The following C3orf18 variants were observed in gnomAD, a reference collection of about 807,000 sequenced individuals.
C3orf18 encodes uncharacterized protein C3orf18.
In C3orf18, 12 loss-of-function variants were observed where a neutral mutation model predicts 14.1. That is an observed-to-expected ratio of 0.85 (90% CI 0.55 to 1.38). The LOEUF is 1.38. Among genes scored for constraint, C3orf18 ranks in the 40% most tolerant of loss-of-function variants. The probability of loss-of-function intolerance (pLI) is 0.00; values close to 1 mark genes in which losing one functional copy is unlikely to be tolerated. For missense variants in C3orf18, 196 were observed against 213.9 expected (o/e 0.92, Z 0.52); for synonymous variants, 82 against 87.9 (o/e 0.93, Z 0.38).
chr3:50,569,878 A>G (rs1213757575), upstream of C3orf18: 2 of 151,308 alleles, frequency 1.3e-5, no homozygotes, highest in African/African-American at 2.4e-5. Context: ...TCTGGCACCC[A>G]GGCTGGAGTG....
At chr3:50,563,048 A>G (rs1700086293) in intron 3 of C3orf18, among the ~76,000 whole-genome samples, 2 of 152,106 alleles carry the variant, frequency 1.3e-5, no homozygotes, top group Admixed American at 1.3e-4. Context: ...GCCTCGGGGA[A>G]AGCACAGCCC....
chr3:50,560,961 C>T lies in C3orf18; in HGVS notation c.364G>A (p.Ala122Thr), dbSNP rs142961797. Residue 122 changes from alanine (A) to threonine (T), a missense_variant, in exon 5 of 6, where the codon GCC (alanine) becomes ACC (threonine). Coordinates refer to ENST00000357203, the MANE Select transcript of C3orf18 (RefSeq NM_016210.5). Reference protein sequence around the residue: ...QELLEHGRDAASVQAATSVQA... With the variant: ...QELLEHGRDATSVQAATSVQA... The stretch of plus-strand genomic sequence containing the variant: ...ACAGAAGTAGCAGCCTGTACAGAGG[C>T]GGCGTCCCGCCCATGCTCCAGCAGC... The T allele has an allele frequency of 2.5e-4, 409 of 1,613,934 alleles. 1 individual carries two copies. In the Middle Eastern group the frequency reaches 4.1e-3, roughly 16 times the overall value.
At chr3:50,561,597 C>T in intron 4 of C3orf18, 125 bp downstream of exon 4, 1 of 929,902 alleles carries the variant, frequency 1.1e-6, no homozygotes, top group Non-Finnish European at 1.7e-6. Flanking sequence ...TCACCCCCAA[C>T]CATGAATGGG....
In C3orf18 at chr3:50,559,171, C is replaced by T. The variant is rs948995478; in HGVS notation, c.*486G>A. Reference sequence around the variant, plus strand: ...TCTCTGGGCTTCTCAGGGCCCATAACAGATGCTGCCCTACCCTGTCCCTAT... The same window carrying T: ...TCTCTGGGCTTCTCAGGGCCCATAATAGATGCTGCCCTACCCTGTCCCTAT... On this transcript the variant is annotated 3_prime_UTR_variant, in exon 6 of 6. Transcript: ENST00000357203. 7 of 1,289,902 alleles carry T rather than the reference C, an allele frequency of 5.4e-6. No homozygotes were observed. The Admixed American group carries it at 9.2e-5, about 17-fold the overall frequency. The allele number at this position is 1,289,902 out of a possible 1,614,324, so 79.9% of individuals were successfully genotyped here. A position where few individuals can be genotyped will look rare whatever the true frequency, so the allele number is the denominator to read the frequency against.
chr3:50,565,749 C>T lies in C3orf18; in HGVS notation c.-50G>A, dbSNP rs182437572. On this transcript the variant is annotated 5_prime_UTR_variant, in exon 3 of 6. Coordinates refer to ENST00000357203, the MANE Select transcript of C3orf18 (RefSeq NM_016210.5). This position sits in a 1 kb window ranked among gnomAD's most constrained non-coding sequence, Gnocchi z 4.4. ...GAGAGGCTGCCTGATGCCAGTCAAC[C>T]TGCCCACTCACTCCTGACTCCGGAG... is the stretch of plus-strand genomic sequence containing the variant. 6.9e-7 allele frequency: 1 copy of T among 1,440,744 alleles called. No individual in the cohort carries two copies. Among genetic ancestry groups the T allele is most frequent in the East Asian group, 2.4e-5 (1 of 42,474 alleles). The allele number at this position is 1,440,744 out of a possible 1,614,324, so 89.2% of individuals were successfully genotyped here. A position where few individuals can be genotyped will look rare whatever the true frequency, so the allele number is the denominator to read the frequency against.
At chr3:50,559,861 G>A (rs1699858772) in intron 5 of C3orf18, 124 bp from the exon 6 acceptor site, 1 of 562,472 alleles carries the variant, frequency 1.8e-6, no homozygotes, top group Admixed American at 3.8e-5. Flanking sequence ...GCTTCTGCCT[G>A]GAATGCCCTC....
upstream of C3orf18, chr3:50,572,060 G>C: frequency 6.2e-7 from 1 of 1,609,272 alleles, no homozygotes; most frequent in Non-Finnish European, 8.5e-7. Flanking sequence ...ACCCAGGCAT[G>C]GTCCTGTTGG....
At chr3:50,573,554 G>T (rs1701254414), upstream of C3orf18, among the ~76,000 whole-genome samples, 1 of 152,214 alleles carries the variant, frequency 6.6e-6, no homozygotes, top group South Asian at 2.1e-4. Flanking sequence ...TTCTTGGATG[G>T]GTCTGGGCCA....
chr3:50,568,683 C>G (rs1700542744), upstream of C3orf18, among the ~76,000 whole-genome samples: 3 of 146,676 alleles, frequency 2.0e-5, no homozygotes, highest in Admixed American at 2.1e-4. Flanking sequence ...AGAGATCGCG[C>G]CATTGTACTT....
Position 50,565,147 on chromosome 3 carries a change from A to G in C3orf18, c.234+319T>C, listed in dbSNP as rs1167278880. Among the ~76,000 whole-genome samples the G allele has an allele frequency of 1.3e-5, 2 of 152,152 alleles. No homozygotes were observed. The highest frequency in any genetic ancestry group is 1.9e-4 in the East Asian group (1 of 5,196). On this transcript the variant is annotated intron_variant, in intron 3 of 5. Transcript: ENST00000357203. This position sits in a 1 kb window ranked among gnomAD's most constrained non-coding sequence, Gnocchi z 4.4. ...TTTGGGAGGCCAACGGGGGCAGATC[A>G]CTTGAGGCCAGGAGTTCAAGACCAG...
upstream of C3orf18, among the ~76,000 whole-genome samples, chr3:50,573,344 GCCACCT>G (rs1701230624): frequency 6.6e-6 from 1 of 152,246 alleles, no homozygotes; most frequent in Admixed American, 6.5e-5. Flanking sequence ...GGTGTGGCCT[GCCACCT>G]GCAGACTTTG....
At chr3:50,561,123 C>G (rs1388822779) in intron 4 of C3orf18, 59 bp from the exon 5 acceptor site, 1 of 1,564,874 alleles carries the variant, frequency 6.4e-7, no homozygotes, top group Non-Finnish European at 8.7e-7. Context: ...CCCAGCAGCC[C>G]TCCAGGCCCT....
intron 3 of C3orf18, among the ~76,000 whole-genome samples, chr3:50,564,885 C>T (rs867191277): frequency 6.6e-6 from 1 of 152,258 alleles, no homozygotes; most frequent in African/African-American, 2.4e-5. Flanking sequence ...CTCTGTCTGC[C>T]TCCAAACTTT....
chr3:50,566,724 CCAA>C (rs1700325634), intron 1 of C3orf18, among the ~76,000 whole-genome samples: 2 of 152,218 alleles, frequency 1.3e-5, no homozygotes, highest in South Asian at 4.2e-4. Context: ...TCCCCACCCA[CCAA>C]CAATAGAGGG....
upstream of C3orf18, chr3:50,571,469 G>A (rs1700950183): frequency 8.6e-6 from 6 of 698,438 alleles, no homozygotes; most frequent in Non-Finnish European, 1.5e-5. Flanking sequence ...TTAGCGCCTG[G>A]CACACACTGT....
upstream of C3orf18, chr3:50,571,818 C>G (rs778795213): frequency 1.2e-6 from 2 of 1,608,532 alleles, no homozygotes; most frequent in Non-Finnish European, 1.7e-6. Flanking sequence ...ACCCATGGAT[C>G]AGACCTGAAG....
chr3:50,558,881 G>A lies in C3orf18; in HGVS notation c.*776C>T, dbSNP rs1283102476. ...TGTGGACAATCTCATTCTGCCCGCTGTGCTGGGACAGGCACATGTCTGCCC... is the reference window on the plus strand; with the variant it reads ...TGTGGACAATCTCATTCTGCCCGCTATGCTGGGACAGGCACATGTCTGCCC... On this transcript the variant is annotated 3_prime_UTR_variant, in exon 6 of 6. Coordinates refer to ENST00000357203, the MANE Select transcript of C3orf18 (RefSeq NM_016210.5). 3 of 1,289,774 alleles carry A rather than the reference G, an allele frequency of 2.3e-6. No homozygotes were observed. The East Asian group carries it at 1.7e-4, about 72-fold the overall frequency. The allele number at this position is 1,289,774 out of a possible 1,614,324, so 79.9% of individuals were successfully genotyped here. A position where few individuals can be genotyped will look rare whatever the true frequency, so the allele number is the denominator to read the frequency against.
At position 50,565,840 on chromosome 3, in the gene C3orf18, G is replaced by C. The variant is rs1441122266; in HGVS notation, c.-141C>G. The stretch of plus-strand genomic sequence containing the variant: ...GCACAGCCACCTCCTTGGATAAAGG[G>C]AGCCCCCTGCCTTCCTGGGTGCTAG... On this transcript the variant is annotated 5_prime_UTR_variant, in exon 3 of 6. Transcript: ENST00000357203. The surrounding 1 kb of genome is among the most constrained non-coding windows in gnomAD (Gnocchi z 4.4). The C allele has an allele frequency of 3.2e-6, 2 of 620,198 alleles. No individual in the cohort carries two copies. The highest frequency in any genetic ancestry group is 5.7e-6 in the Non-Finnish European group (2 of 353,898). The allele number at this position is 620,198 out of a possible 1,614,324, so 38.4% of individuals were successfully genotyped here. A position where few individuals can be genotyped will look rare whatever the true frequency, so the allele number is the denominator to read the frequency against.
rs903316081 is a variant in C3orf18 at position 50,566,010 on chromosome 3, CG to C, written c.-168del. The C allele has an allele frequency of 1.3e-5, 4 of 316,618 alleles. No individual in the cohort carries two copies. Among genetic ancestry groups the C allele is most frequent in the African/African-American group, 6.4e-5 (3 of 46,836 alleles). 19.6% of individuals were successfully genotyped at this position (316,618 alleles called of 1,614,324 possible). ...AGGAGACATTAGGACACATACTTTACGTATCTACGGTGCCCCTGTTTTTGGG... is the reference window on the plus strand; with the variant it reads ...AGGAGACATTAGGACACATACTTTACTATCTACGGTGCCCCTGTTTTTGGG... On this transcript the variant is annotated 5_prime_UTR_variant, in exon 2 of 6. It removes the in-frame stop codon of an upstream open reading frame in the 5' UTR. Transcript: ENST00000357203.
Sources: gnomAD v4.1 joint callset for allele counts (sites outside exome capture counted in the v4.1 genomes callset) on GRCh38, gnomAD v4.1.1 for gene constraint, Gnocchi (gnomAD v3.1) non-coding constraint, MANE v1.5 for transcripts, NCBI Gene and HGNC (gene_info 2026-07-23, HGNC 2026-07-21) for gene names.